CASP8: variants seen among roughly 807,000 people sequenced by gnomAD.
CASP8 encodes the protein caspase-8.
Under a neutral mutation model 46.3 loss-of-function variants are expected in CASP8, and 24 were observed. The observed-to-expected ratio is 0.52, with a 90% CI of 0.38 to 0.73. CASP8 has a LOEUF of 0.73. Among genes scored for constraint, CASP8 ranks in the 30% least tolerant of loss-of-function variants. The pLI is 0.00. For synonymous variants in CASP8, 188 were observed against 200.4 expected, an observed-to-expected ratio of 0.94 and a Z score of 0.52; for missense variants, 460 against 559.0, an observed-to-expected ratio of 0.82 and a Z score of 1.79.
intron 7 of CASP8, 22 bp downstream of exon 7, chr2:201,276,990 A>T (rs1948674835): frequency 6.4e-7 from 1 of 1,570,904 alleles, no homozygotes. Context: ...CCCAAAAGAG[A>T]AAAGTAAAAT....
At chr2:201,262,700 A>G (rs1947509537) in intron 1 of CASP8, among the ~76,000 whole-genome samples, 1 of 152,194 alleles carries the variant, frequency 6.6e-6, no homozygotes, top group Non-Finnish European at 1.5e-5. Context: ...ATACAAGTAC[A>G]TTGTTTAAAA....
intron 2 of CASP8, among the ~76,000 whole-genome samples, chr2:201,250,560 C>T (rs901892761): frequency 6.6e-6 from 1 of 152,174 alleles, no homozygotes; most frequent in Admixed American, 6.5e-5. Flanking sequence ...TTTTAAACAA[C>T]CAGAATATCA....
chr2:201,253,274 C>T (rs2125011379), intron 2 of CASP8, among the ~76,000 whole-genome samples: 1 of 145,766 alleles, frequency 6.9e-6, no homozygotes, highest in Admixed American at 6.9e-5. Flanking sequence ...TAAATGTGAG[C>T]CACTGCACCT....
At chr2:201,263,056 T>G (rs1349124606) in intron 1 of CASP8, among the ~76,000 whole-genome samples, 1 of 152,154 alleles carries the variant, frequency 6.6e-6, no homozygotes, top group Non-Finnish European at 1.5e-5. Flanking sequence ...GAAAAGGTAA[T>G]GAAATGAGTG....
intron 2 of CASP8, among the ~76,000 whole-genome samples, chr2:201,239,450 C>T (rs1363337614): frequency 2.0e-5 from 3 of 152,196 alleles, no homozygotes; most frequent in Non-Finnish European, 4.4e-5. Context: ...TTTAAAAATA[C>T]GTTTGTCTTC....
chr2:201,256,249 C>T (rs747994015), upstream of CASP8, among the ~76,000 whole-genome samples: 2 of 152,228 alleles, frequency 1.3e-5, no homozygotes, highest in Non-Finnish European at 2.9e-5. Flanking sequence ...TAGGTGGTGA[C>T]TAACCACTCA....
intron 2 of CASP8, among the ~76,000 whole-genome samples, chr2:201,238,147 A>G (rs1478223614): frequency 6.6e-6 from 1 of 152,184 alleles, no homozygotes; most frequent in African/African-American, 2.4e-5. Flanking sequence ...GTAACAAATA[A>G]CAAGGGAGGC....
At chr2:201,271,246 A>T (rs1948226057) in intron 2 of CASP8, among the ~76,000 whole-genome samples, 1 of 152,232 alleles carries the variant, frequency 6.6e-6, no homozygotes, top group Non-Finnish European at 1.5e-5. Flanking sequence ...CAGAAAAAAA[A>T]AAAGGAAAAC....
intron 7 of CASP8, among the ~76,000 whole-genome samples, chr2:201,280,342 G>A (rs1432511449): frequency 6.6e-6 from 1 of 152,148 alleles, no homozygotes; most frequent in East Asian, 1.9e-4. Flanking sequence ...GACAGAGAAA[G>A]GGGAAATGGA....
chr2:201,258,420 A>G, upstream of CASP8: 1 of 1,612,936 alleles, frequency 6.2e-7, no homozygotes, highest in Non-Finnish European at 8.5e-7. Context: ...TTCAACAGGA[A>G]ACCACAATAT....
chr2:201,277,059 G>A, intron 7 of CASP8, 91 bp downstream of exon 7: 1 of 894,374 alleles, frequency 1.1e-6, no homozygotes, highest in Non-Finnish European at 1.8e-6. Context: ...TATACCAAAA[G>A]GGCCATGTTT....
intron 1 of CASP8, among the ~76,000 whole-genome samples, chr2:201,261,306 G>A (rs1226815028): frequency 6.7e-6 from 1 of 149,524 alleles, no homozygotes; most frequent in East Asian, 2.0e-4. Flanking sequence ...CAGGAGAATC[G>A]CTTGAACCTG....
At chr2:201,258,380 C>T (rs373349998), upstream of CASP8, 9 of 1,613,736 alleles carry the variant, frequency 5.6e-6, no homozygotes, top group African/African-American at 9.3e-5. Flanking sequence ...AAGGGTGGAG[C>T]GGGTGAGTGC....
At chr2:201,269,592 C>CATCT (rs1490349406) in intron 2 of CASP8, 17 of 1,611,670 alleles carry the variant, frequency 1.1e-5, no homozygotes, top group Non-Finnish European at 1.2e-5. Context: ...GAGGGTCGAT[C>CATCT]ATCTATTAAT....
intron 2 of CASP8, among the ~76,000 whole-genome samples, chr2:201,245,893 G>A (rs1576213368): frequency 1.4e-5 from 2 of 142,060 alleles, no homozygotes; most frequent in African/African-American, 2.7e-5. Context: ...TTGAGACGGA[G>A]TTTCGCTCTT....
At chr2:201,244,513 G>A (rs754350822) in intron 2 of CASP8, among the ~76,000 whole-genome samples, 22 of 152,048 alleles carry the variant, frequency 1.4e-4, no homozygotes, top group Admixed American at 3.3e-4. Context: ...AGCATCTTCC[G>A]ACTATCCTCC....
intron 2 of CASP8, among the ~76,000 whole-genome samples, chr2:201,234,354 G>A (rs957422282): frequency 2.6e-5 from 4 of 152,200 alleles, no homozygotes; most frequent in African/African-American, 4.8e-5. Flanking sequence ...CCTATAGTGC[G>A]GGACCCCACA....
At chr2:201,241,805 A>G (rs1946310613) in intron 2 of CASP8, 1 of 152,214 alleles carries the variant, frequency 6.6e-6, no homozygotes, top group Admixed American at 6.5e-5. Flanking sequence ...ACTCATAACA[A>G]AATACTAGCA....
intron 2 of CASP8, among the ~76,000 whole-genome samples, chr2:201,234,939 C>T (rs1199354358): frequency 1.3e-5 from 2 of 152,140 alleles, no homozygotes; most frequent in African/African-American, 4.8e-5. Context: ...TCATTTGATT[C>T]TCGTAATAAC....
Sources: gnomAD v4.1 joint callset for allele counts (sites outside exome capture counted in the v4.1 genomes callset) on GRCh38, gnomAD v4.1.1 for gene constraint, MANE v1.5 for transcripts, NCBI Gene and HGNC (gene_info 2026-07-23, HGNC 2026-07-21) for gene names.